The following VSTM5 variants were observed in gnomAD, a reference collection of about 807,000 sequenced individuals.
VSTM5 encodes the protein V-set and transmembrane domain-containing protein 5.
Under a neutral mutation model 20.3 loss-of-function variants are expected in VSTM5, and 21 were observed. That is an observed-to-expected ratio of 1.03 (90% CI 0.73 to 1.49). VSTM5 has a LOEUF of 1.49. VSTM5 is among the 40% of genes most tolerant of loss of function. The pLI is 0.00. For missense variants in VSTM5, 219 were observed against 250.0 expected (o/e 0.88, Z 0.84); for synonymous variants, 100 against 102.5 (o/e 0.98, Z 0.14).
Position 93,850,461 on chromosome 11 carries a change from G to C in VSTM5, c.42C>G (p.Ile14Met). The C allele has an allele frequency of 6.5e-7, 1 of 1,550,034 alleles. No homozygotes were observed. The highest frequency in any genetic ancestry group is 8.7e-7 in the Non-Finnish European group (1 of 1,146,558). Reference protein sequence around the residue: ...LPSGRRKTRGISLGLFALCLA... With the variant: ...LPSGRRKTRGMSLGLFALCLA... Reference sequence around the variant, plus strand: ...GGCAGAGGGCGAAGAGTCCTAGGGAGATGCCTCGGGTCTTCCTCCTCCCGC... The same window carrying C: ...GGCAGAGGGCGAAGAGTCCTAGGGACATGCCTCGGGTCTTCCTCCTCCCGC... The change falls in exon 1 of 4, where the codon ATC becomes ATG. Residue 14 changes from isoleucine (I) to methionine (M), a missense_variant. Coordinates refer to ENST00000409977, the MANE Select transcript of VSTM5 (RefSeq NM_001144871.2).
chr11:93,849,903 C>A (rs1351406100), intron 1 of VSTM5, among the ~76,000 whole-genome samples: 17 of 152,238 alleles, frequency 1.1e-4, no homozygotes. Context: ...CCGTTTTTCT[C>A]ACGGGAGCAG....
At chr11:93,841,022 A>C (rs112961600) in intron 1 of VSTM5, among the ~76,000 whole-genome samples, 82 of 144,794 alleles carry the variant, frequency 5.7e-4, no homozygotes, top group African/African-American at 2.3e-3. Flanking sequence ...ACAAAAACGC[A>C]GTAAAGCTAA....
At position 93,821,164 on chromosome 11, in the gene VSTM5, C is replaced by A; in HGVS notation, c.251G>T (p.Gly84Val). 1 of 1,552,160 alleles carries A rather than the reference C, an allele frequency of 6.4e-7. No individual in the cohort carries two copies. Among genetic ancestry groups the A allele is most frequent in the Non-Finnish European group, 8.7e-7 (1 of 1,147,090 alleles). Residue 84 changes from glycine (G) to valine (V), a missense_variant, in exon 2 of 4, where the codon GGG becomes GTG. By Grantham distance (109) the Gly-to-Val change is moderately radical. Transcript: ENST00000409977. The part of the protein sequence containing the change: ...GTQKIVEWKP[G>V]TQANISQSHK... Reference sequence around the variant, plus strand: ...GCTTTGAGAGATGTTGGCCTGAGTCCCTGGTTTCCACTCCACGATCTTCTG... The same window carrying A: ...GCTTTGAGAGATGTTGGCCTGAGTCACTGGTTTCCACTCCACGATCTTCTG...
chr11:93,822,741 G>A (rs1325240861), intron 1 of VSTM5, among the ~76,000 whole-genome samples: 6 of 151,828 alleles, frequency 4.0e-5, no homozygotes, highest in African/African-American at 1.2e-4. Context: ...CTGCCTTCTC[G>A]GCCTCCCATA....
Position 93,820,145 on chromosome 11 carries a change from A to C in VSTM5, c.*424T>G. 4.9e-6 allele frequency: 1 copy of C among 206,130 alleles called. No individual in the cohort carries two copies. The highest frequency in any genetic ancestry group is 1.4e-4 in the East Asian group (1 of 6,994). The allele number at this position is 206,130 out of a possible 1,614,324, so 12.8% of individuals were successfully genotyped here. On this transcript the variant is annotated 3_prime_UTR_variant, in exon 4 of 4. Coordinates refer to ENST00000409977, the MANE Select transcript of VSTM5 (RefSeq NM_001144871.2). ...GGTTGGCACAGCAGTTGCAGAGCAG[A>C]CAGGAGCACAGAAAGCATGTTCTAA... is the stretch of plus-strand genomic sequence containing the variant.
intron 1 of VSTM5, among the ~76,000 whole-genome samples, chr11:93,849,845 C>T (rs11020539): frequency 0.14 from 20,591 of 152,242 alleles, 1,501 homozygotes; most frequent in African/African-American, 0.17. Flanking sequence ...CGAGGACCAC[C>T]TCCAGCCTGG....
At chr11:93,833,107 G>A (rs576148654) in intron 1 of VSTM5, among the ~76,000 whole-genome samples, 2 of 152,292 alleles carry the variant, frequency 1.3e-5, no homozygotes, top group African/African-American at 4.8e-5. Context: ...AGAATTTGAA[G>A]ACTTAGTACT....
At chr11:93,832,413 C>CT (rs1944290216) in intron 1 of VSTM5, among the ~76,000 whole-genome samples, 1 of 152,184 alleles carries the variant, frequency 6.6e-6, no homozygotes, top group Non-Finnish European at 1.5e-5. Context: ...TAGAACATCT[C>CT]TAAGTTATTC....
chr11:93,833,338 G>C (rs1944297181), intron 1 of VSTM5, among the ~76,000 whole-genome samples: 2 of 152,094 alleles, frequency 1.3e-5, no homozygotes, highest in Non-Finnish European at 2.9e-5. Context: ...CAGCACTTTG[G>C]GAGGCTGAGG....
chr11:93,838,532 C>A (rs1161271869), intron 1 of VSTM5, among the ~76,000 whole-genome samples: 1 of 151,550 alleles, frequency 6.6e-6, no homozygotes, highest in Non-Finnish European at 1.5e-5. Flanking sequence ...TGGGTCACAC[C>A]TGTAATCCCA....
intron 1 of VSTM5, among the ~76,000 whole-genome samples, chr11:93,822,943 A>AT (rs1257222301): frequency 5.3e-5 from 8 of 152,192 alleles, no homozygotes; most frequent in African/African-American, 1.9e-4. Context: ...ACTTCTGCGC[A>AT]TTTCATATAC....
At chr11:93,844,255 T>C (rs1200105651) in intron 1 of VSTM5, among the ~76,000 whole-genome samples, 1 of 152,190 alleles carries the variant, frequency 6.6e-6, no homozygotes, top group Non-Finnish European at 1.5e-5. Context: ...AGAGGAGCTC[T>C]GGTGTTCTGC....
At chr11:93,848,298 A>G (rs773646739) in intron 1 of VSTM5, among the ~76,000 whole-genome samples, 2 of 152,230 alleles carry the variant, frequency 1.3e-5, no homozygotes, top group Non-Finnish European at 1.5e-5. Context: ...TCCAAAGCAC[A>G]GGCTTCATTC....
chr11:93,837,362 C>T lies in VSTM5; in HGVS notation c.91+13050G>A, dbSNP rs764523008. 7.2e-5 allele frequency among the ~76,000 whole-genome samples: 11 copies of T among 152,160 alleles called. No homozygotes were observed. The South Asian group carries it at 1.0e-3, about 14-fold the overall frequency. On this transcript the variant is annotated intron_variant, in intron 1 of 3. Coordinates refer to ENST00000409977, the MANE Select transcript of VSTM5 (RefSeq NM_001144871.2). ...TATATTTTTGATCCTTCCGTCTAAACATCCCTGTATCACACACATGCATGT... is the reference window on the plus strand; with the variant it reads ...TATATTTTTGATCCTTCCGTCTAAATATCCCTGTATCACACACATGCATGT...
intron 1 of VSTM5, among the ~76,000 whole-genome samples, chr11:93,844,882 G>T (rs1944402196): frequency 7.5e-6 from 1 of 132,540 alleles, no homozygotes; most frequent in Admixed American, 7.3e-5. Context: ...CACAGTGCGT[G>T]CTCAGGAACC....
At position 93,850,553 on chromosome 11, in the gene VSTM5, T is replaced by G. The variant is rs921013672; in HGVS notation, c.-51A>C. On this transcript the variant is annotated 5_prime_UTR_variant, in exon 1 of 4. Transcript: ENST00000409977. ...GGGGTGTGTGCTGGCCGCACCGCGC[T>G]GCAGCTCCTATGCAGCCTTCTCTCT... is the stretch of plus-strand genomic sequence containing the variant. The G allele has an allele frequency of 7.1e-7, 1 of 1,408,182 alleles. No homozygotes were observed. Among genetic ancestry groups the G allele is most frequent in the African/African-American group, 1.4e-5 (1 of 69,288 alleles). The allele number at this position is 1,408,182 out of a possible 1,614,324, so 87.2% of individuals were successfully genotyped here. A position where few individuals can be genotyped will look rare whatever the true frequency, so the allele number is the denominator to read the frequency against.
In VSTM5 at chr11:93,820,813, T is replaced by G. The variant is rs1365310564; in HGVS notation, c.489A>C (p.Leu163Phe). The G allele has an allele frequency of 1.9e-6, 3 of 1,551,254 alleles. No individual in the cohort carries two copies. Among genetic ancestry groups the G allele is most frequent in the Non-Finnish European group, 2.6e-6 (3 of 1,147,004 alleles). The change falls in exon 3 of 4, where the codon TTA becomes TTC. Residue 163 changes from leucine (L) to phenylalanine (F), a missense_variant. Coordinates refer to ENST00000409977, the MANE Select transcript of VSTM5 (RefSeq NM_001144871.2). ...LAFLAAVAAV[L>F]ISLMWVCNKC... ...TATTACAAACCCACATGAGGCTGATTAATACTGCGGCCACAGCAGCGAGAA... is the reference window on the plus strand; with the variant it reads ...TATTACAAACCCACATGAGGCTGATGAATACTGCGGCCACAGCAGCGAGAA...
At chr11:93,831,734 G>A (rs980796505) in intron 1 of VSTM5, among the ~76,000 whole-genome samples, 4 of 152,130 alleles carry the variant, frequency 2.6e-5, no homozygotes, top group Non-Finnish European at 5.9e-5. Flanking sequence ...CCCAAACCAG[G>A]AAAATCACTC....
At chr11:93,824,623 T>C (rs548367171) in intron 1 of VSTM5, among the ~76,000 whole-genome samples, 2 of 152,354 alleles carry the variant, frequency 1.3e-5, no homozygotes, top group African/African-American at 4.8e-5. Context: ...TAGATTGCCT[T>C]TCCATTTTAT....
Sources: gnomAD v4.1 joint callset for allele counts (sites outside exome capture counted in the v4.1 genomes callset) on GRCh38, gnomAD v4.1.1 for gene constraint, MANE v1.5 for transcripts, NCBI Gene and HGNC (gene_info 2026-07-23, HGNC 2026-07-21) for gene names.